The following FMN1 variants were observed in gnomAD, a reference collection of about 807,000 sequenced individuals.
The protein encoded by FMN1 is formin 1.
FMN1 carries 110 observed loss-of-function variants against 132.4 expected under a neutral mutation model. The ratio of observed to expected loss-of-function variants is 0.83; its 90% CI spans 0.71 to 0.97. The LOEUF (loss-of-function observed/expected upper bound fraction) is 0.97, where lower values mean the gene tolerates loss of function less well. Ranked by LOEUF, FMN1 falls within the 50% of genes least tolerant of loss-of-function variation. FMN1 has a pLI of 0.00. For synonymous variants in FMN1, 722 were observed against 651.7 expected, an observed-to-expected ratio of 1.11 and a Z score of -1.64; for missense variants, 1,792 against 1,705.3, an observed-to-expected ratio of 1.05 and a Z score of -0.90.
At chr15:33,008,728 A>T (rs2034549131) in intron 6 of FMN1, among the ~76,000 whole-genome samples, 1 of 152,166 alleles carries the variant, frequency 6.6e-6, no homozygotes, top group Non-Finnish European at 1.5e-5. Flanking sequence ...CCAGCCAACC[A>T]CTAAAACTAT....
chr15:32,773,607 C>T lies in FMN1; in HGVS notation c.*703G>A, dbSNP rs1212254729. 6.6e-6 allele frequency: 1 copy of T among 152,102 alleles called. No individual in the cohort carries two copies. Among genetic ancestry groups the T allele is most frequent in the East Asian group, 1.9e-4 (1 of 5,196 alleles). 9.4% of individuals were successfully genotyped at this position (152,102 alleles called of 1,614,324 possible). ...GATGTAAAAACAAGAATGGGCCTCA[C>T]TTAACAACTGATGTCAACTCCTTGC... On this transcript the variant is annotated 3_prime_UTR_variant, in exon 21 of 21. Transcript: ENST00000616417.
At chr15:33,164,453 GA>G (rs1400796139) in intron 3 of FMN1, among the ~76,000 whole-genome samples, 1 of 152,004 alleles carries the variant, frequency 6.6e-6, no homozygotes, top group Admixed American at 6.6e-5. Context: ...TTATTAAAGG[GA>G]AAAAAAGGGC....
At chr15:33,101,245 A>T (rs955603281) in intron 4 of FMN1, among the ~76,000 whole-genome samples, 1 of 152,186 alleles carries the variant, frequency 6.6e-6, no homozygotes, top group Non-Finnish European at 1.5e-5. Flanking sequence ...TCTGCCAATG[A>T]TGTATTATTT....
At chr15:32,985,093 G>C (rs767504331) in intron 7 of FMN1, among the ~76,000 whole-genome samples, 125 of 151,748 alleles carry the variant, frequency 8.2e-4, no homozygotes, top group Non-Finnish European at 1.7e-3. Context: ...AGGATTAGCA[G>C]TTACTTATTA....
At chr15:33,030,022 G>A (rs185971964) in intron 6 of FMN1, among the ~76,000 whole-genome samples, 2 of 152,318 alleles carry the variant, frequency 1.3e-5, no homozygotes, top group Admixed American at 6.5e-5. Flanking sequence ...GCTGGGCGTG[G>A]TGGCGGGTAC....
chr15:32,925,832 G>A (rs2060945419), intron 10 of FMN1, among the ~76,000 whole-genome samples: 1 of 152,124 alleles, frequency 6.6e-6, no homozygotes. Flanking sequence ...AGGCCAAGGT[G>A]GGCAGATTGC....
intron 5 of FMN1, among the ~76,000 whole-genome samples, chr15:33,069,993 CTTTTTTTTTTTTTTTT>C (rs1171369156): frequency 4.0e-5 from 3 of 74,292 alleles, no homozygotes; most frequent in African/African-American, 5.3e-5. Flanking sequence ...CAGTCTTTCT[CTTTTTTTTTTTTTTTT>C]TTTTTTTTTT....
chr15:33,022,580 A>G (rs1311907416), intron 6 of FMN1, among the ~76,000 whole-genome samples: 2 of 152,236 alleles, frequency 1.3e-5, no homozygotes, highest in Admixed American at 6.5e-5. Context: ...AATGAAAATT[A>G]TAACATAAAG....
chr15:33,175,670 C>A (rs1414500687), intron 3 of FMN1, among the ~76,000 whole-genome samples: 1 of 152,114 alleles, frequency 6.6e-6, no homozygotes, highest in Non-Finnish European at 1.5e-5. Flanking sequence ...CTAGGTATGG[C>A]CTCAGTGAAG....
rs545994890 is a variant in FMN1, at chr15:32,985,245, G to A, written c.2224-15768C>T. Among the ~76,000 whole-genome samples the A allele has an allele frequency of 2.0e-5, 3 of 152,116 alleles. No homozygotes were observed. The East Asian group carries it at 5.8e-4, about 29-fold the overall frequency. Reference sequence around the variant, plus strand: ...GTGGATTTTTTCCTCATTCTCCTTTGGAACTCTGCACAGCTTATCTTGAGA... The same window carrying A: ...GTGGATTTTTTCCTCATTCTCCTTTAGAACTCTGCACAGCTTATCTTGAGA... On this transcript the variant is annotated intron_variant, in intron 7 of 20. Transcript: ENST00000616417.
At chr15:33,096,180 CAG>C (rs2039078551) in intron 4 of FMN1, among the ~76,000 whole-genome samples, 1 of 152,282 alleles carries the variant, frequency 6.6e-6, no homozygotes, top group African/African-American at 2.4e-5. Flanking sequence ...TGATGGCTGA[CAG>C]AAGTTTTTGT....
chr15:33,013,607 A>C (rs1392828612), intron 6 of FMN1, among the ~76,000 whole-genome samples: 6 of 152,360 alleles, frequency 3.9e-5, no homozygotes, highest in Non-Finnish European at 7.3e-5. Context: ...GAAAGAAAAA[A>C]TACTTCTCTT....
At chr15:33,082,093 ATGTG>A (rs61138142) in intron 5 of FMN1, among the ~76,000 whole-genome samples, 3,286 of 120,292 alleles carry the variant, frequency 0.027, 82 homozygotes, top group African/African-American at 0.079. Flanking sequence ...CTGGAAAACA[ATGTG>A]TGTGTGTGTG....
chr15:32,917,089 A>G (rs1457565453), intron 10 of FMN1, among the ~76,000 whole-genome samples: 1 of 152,144 alleles, frequency 6.6e-6, no homozygotes, highest in African/African-American at 2.4e-5. Context: ...CCTCCCAACA[A>G]TGAGGTCATC....
intron 19 of FMN1, 142 bp downstream of exon 19, chr15:32,798,660 CCT>C (rs1243299154): frequency 4.4e-6 from 3 of 683,744 alleles, no homozygotes; most frequent in Non-Finnish European, 4.6e-6. Flanking sequence ...CCCTACGATC[CCT>C]GAGGCAAAAA....
chr15:33,017,038 G>A (rs188800566), intron 6 of FMN1, among the ~76,000 whole-genome samples: 2 of 152,112 alleles, frequency 1.3e-5, no homozygotes, highest in Admixed American at 6.5e-5. Flanking sequence ...ATGCATCTGC[G>A]GTCATCAATA....
chr15:33,065,367 T>C (rs1377920228), intron 5 of FMN1, among the ~76,000 whole-genome samples: 2 of 152,142 alleles, frequency 1.3e-5, no homozygotes, highest in Non-Finnish European at 2.9e-5. Context: ...AAAGCACAAA[T>C]ATACTTTGAC....
intron 15 of FMN1, among the ~76,000 whole-genome samples, chr15:32,892,462 G>C (rs765858958): frequency 6.6e-6 from 1 of 152,194 alleles, no homozygotes; most frequent in Admixed American, 6.5e-5. Context: ...CAGTTAGCTA[G>C]TATTTTGTTA....
At chr15:32,807,380 T>TAGCC (rs1467450775) in intron 17 of FMN1, among the ~76,000 whole-genome samples, 2 of 152,250 alleles carry the variant, frequency 1.3e-5, no homozygotes, top group Non-Finnish European at 2.9e-5. Context: ...GTCTGGTACT[T>TAGCC]AGCCAATCAG....
Sources: allele counts gnomAD v4.1 joint callset (sites outside exome capture counted in the v4.1 genomes callset), GRCh38; gene constraint gnomAD v4.1.1; transcripts MANE v1.5; gene names NCBI Gene and HGNC (gene_info 2026-07-23, HGNC 2026-07-21).